NXPE1: variants seen among roughly 807,000 people sequenced by gnomAD.
NXPE1 encodes NXPE family member 1.
NXPE1 carries 31 observed loss-of-function variants against 33.3 expected under a neutral mutation model. That is an observed-to-expected ratio of 0.93 (90% CI 0.70 to 1.26). The LOEUF is 1.26. Among genes scored for constraint, NXPE1 ranks in the 50% most tolerant of loss-of-function variants. The pLI, the probability that NXPE1 is intolerant of heterozygous loss-of-function variation, is 0.00. For synonymous variants in NXPE1, 229 were observed against 231.4 expected, an observed-to-expected ratio of 0.99 and a Z score of 0.09; for missense variants, 661 against 655.6, an observed-to-expected ratio of 1.01 and a Z score of -0.09.
chr11:114,520,827 G>A (rs1190916184), downstream of NXPE1, among the ~76,000 whole-genome samples: 5 of 152,084 alleles, frequency 3.3e-5, no homozygotes, highest in Non-Finnish European at 5.9e-5. Flanking sequence ...CTTTCTTACA[G>A]ATCTCGCTCC....
chr11:114,545,055 C>A (rs1225556603), intron 5 of NXPE1, among the ~76,000 whole-genome samples: 1 of 152,006 alleles, frequency 6.6e-6, no homozygotes, highest in East Asian at 1.9e-4. Flanking sequence ...AAAAAAAAAC[C>A]TGACAATACC....
At chr11:114,549,725 G>T (rs1264311565) in intron 5 of NXPE1, among the ~76,000 whole-genome samples, 2 of 152,058 alleles carry the variant, frequency 1.3e-5, no homozygotes, top group Non-Finnish European at 2.9e-5. Flanking sequence ...GGAGGTGTTA[G>T]CTAATGCAGT....
At chr11:114,537,389 A>C (rs550782362) in intron 5 of NXPE1, among the ~76,000 whole-genome samples, 364 of 152,258 alleles carry the variant, frequency 2.4e-3, no homozygotes, top group African/African-American at 7.9e-3. Flanking sequence ...GATGCCCTCT[A>C]TCAACACTCC....
At chr11:114,540,522 G>A (rs1421275838) in intron 5 of NXPE1, among the ~76,000 whole-genome samples, 1 of 152,152 alleles carries the variant, frequency 6.6e-6, no homozygotes, top group African/African-American at 2.4e-5. Flanking sequence ...AACTAGTATG[G>A]AATGGGTGCG....
chr11:114,528,967 T>A (rs1947468727), intron 6 of NXPE1: 3 of 443,912 alleles, frequency 6.8e-6, no homozygotes, highest in African/African-American at 5.8e-5. Flanking sequence ...AACTGTGCTT[T>A]TACTTTTCAG....
chr11:114,547,275 C>G (rs1430797710), intron 5 of NXPE1, among the ~76,000 whole-genome samples: 2 of 152,168 alleles, frequency 1.3e-5, no homozygotes, highest in Non-Finnish European at 2.9e-5. Flanking sequence ...TGGAAGACCA[C>G]TTAGCTCTGT....
chr11:114,555,602 AAGT>A (rs529565014), intron 1 of NXPE1, among the ~76,000 whole-genome samples: 70 of 152,144 alleles, frequency 4.6e-4, no homozygotes, highest in Non-Finnish European at 7.5e-4. Flanking sequence ...CACAATCAAT[AAGT>A]AGAATATTAC....
intron 5 of NXPE1, among the ~76,000 whole-genome samples, chr11:114,543,639 T>C (rs915860172): frequency 6.6e-6 from 1 of 152,116 alleles, no homozygotes; most frequent in Non-Finnish European, 1.5e-5. Context: ...TGGTACTTAA[T>C]AATGAGAGAT....
Position 114,559,681 on chromosome 11 carries a change from ACCC to A in NXPE1, c.-211+114_-211+116del, listed in dbSNP as rs1228908790. The A allele has an allele frequency of 2.8e-4, 42 of 151,752 alleles. No individual in the cohort carries two copies. The East Asian group carries it at 6.4e-3, about 23-fold the overall frequency. 9.4% of individuals were successfully genotyped at this position (151,752 alleles called of 1,614,324 possible). A position where few individuals can be genotyped will look rare whatever the true frequency, so the allele number is the denominator to read the frequency against. ...TCTTATCTTTCTCTGACTTGAGAGAACCCCTCAGCAGACACAGTCTTTCTAATT... is the reference window on the plus strand; with the variant it reads ...TCTTATCTTTCTCTGACTTGAGAGAACTCAGCAGACACAGTCTTTCTAATT... On this transcript the variant is annotated intron_variant, in intron 1 of 8. Transcript: ENST00000534921.
chr11:114,530,721 G>C, exon 6 of NXPE1: 1 of 1,614,210 alleles, frequency 6.2e-7, no homozygotes, highest in East Asian at 2.2e-5. Context: ...TGTGGCACTG[G>C]TGGTGGTGTT....
chr11:114,550,536 T>C (rs552044270), intron 5 of NXPE1, among the ~76,000 whole-genome samples: 5 of 152,256 alleles, frequency 3.3e-5, no homozygotes, highest in African/African-American at 1.2e-4. Flanking sequence ...AAAAGTTAAA[T>C]GAGATTGATG....
intron 6 of NXPE1, chr11:114,528,890 G>T (rs373467519): frequency 3.0e-5 from 18 of 600,882 alleles, no homozygotes; most frequent in East Asian, 2.5e-4. Flanking sequence ...GCATAAGGAT[G>T]GTTGATGGGT....
At chr11:114,558,736 A>G (rs1477248168) in intron 1 of NXPE1, among the ~76,000 whole-genome samples, 2 of 152,212 alleles carry the variant, frequency 1.3e-5, no homozygotes, top group Admixed American at 6.5e-5. Context: ...ATGTAAGAGT[A>G]CAAATTAACA....
intron 5 of NXPE1, among the ~76,000 whole-genome samples, chr11:114,537,916 A>G (rs1947903722): frequency 2.0e-5 from 3 of 152,184 alleles, no homozygotes; most frequent in Non-Finnish European, 4.4e-5. Flanking sequence ...TTCTTCACAG[A>G]ATTGGAAAAA....
chr11:114,554,313 C>A, intron 1 of NXPE1: 2 of 984,764 alleles, frequency 2.0e-6, no homozygotes, highest in Non-Finnish European at 2.4e-6. Context: ...GTGTGCCATA[C>A]CTCCTCCAGG....
intron 5 of NXPE1, among the ~76,000 whole-genome samples, chr11:114,542,793 T>C (rs1948146102): frequency 6.6e-6 from 1 of 151,950 alleles, no homozygotes; most frequent in South Asian, 2.1e-4. Flanking sequence ...AACATAATCA[T>C]TAGAACAAAA....
At chr11:114,533,491 G>A (rs184268814) in intron 5 of NXPE1, among the ~76,000 whole-genome samples, 22 of 152,320 alleles carry the variant, frequency 1.4e-4, no homozygotes, top group East Asian at 1.9e-4. Context: ...GCGAGGCATC[G>A]CCTCACCCGG....
chr11:114,551,476 C>T lies in NXPE1; in HGVS notation c.-69-35G>A, dbSNP rs533424350. 176 of 1,065,958 alleles carry T rather than the reference C, an allele frequency of 1.7e-4. 1 individual carries two copies. The African/African-American group carries it at 2.4e-3, about 14-fold the overall frequency. The allele number at this position is 1,065,958 out of a possible 1,614,324, so 66.0% of individuals were successfully genotyped here. On this transcript the variant is annotated intron_variant, in intron 3 of 8. Coordinates refer to ENST00000534921, the Ensembl canonical transcript of NXPE1. ...AAGTCAAAGTCACCTTATAGGTTCT[C>T]TTAATGCCCTCTGTATTTTCTTAGT...
chr11:114,519,308 C>A (rs1016779322), downstream of NXPE1, among the ~76,000 whole-genome samples: 1 of 152,138 alleles, frequency 6.6e-6, no homozygotes, highest in African/African-American at 2.4e-5. Context: ...ATGCTGTTCT[C>A]TCATTGGTTC....
Sources: allele counts gnomAD v4.1 joint callset (sites outside exome capture counted in the v4.1 genomes callset), GRCh38; gene constraint gnomAD v4.1.1; transcripts MANE v1.5; gene names NCBI Gene and HGNC (gene_info 2026-07-23, HGNC 2026-07-21).